The following GYG2 variants were observed in gnomAD, a reference collection of about 807,000 sequenced individuals.
GYG2 encodes glycogenin 2, also known as glycogenin-2.
Under a neutral mutation model 29.4 loss-of-function variants are expected in GYG2, and 29 were observed. That is an observed-to-expected ratio of 0.99 (90% CI 0.74 to 1.35). The LOEUF is 1.35. Ranked by LOEUF, GYG2 falls within the 40% of genes most tolerant of loss-of-function variation. The probability of loss-of-function intolerance (pLI) is 0.00; values close to 1 mark genes in which losing one functional copy is unlikely to be tolerated. For synonymous variants in GYG2, 167 were observed against 172.3 expected (o/e 0.97, Z 0.24); for missense variants, 370 against 385.7 (o/e 0.96, Z 0.34).
intron 2 of GYG2, among the ~76,000 whole-genome samples, chrX:2,839,680 C>G (rs2087452482): frequency 9.1e-6 from 1 of 110,457 alleles, no homozygotes; most frequent in Non-Finnish European, 1.9e-5. Flanking sequence ...ATGAAATGTC[C>G]CAGGATTAGA....
chrX:2,879,876 CAG>C (rs1370282045), intron 10 of GYG2, among the ~76,000 whole-genome samples: 1 of 109,758 alleles, frequency 9.1e-6, no homozygotes, highest in Non-Finnish European at 1.9e-5. Context: ...TGATAGATGA[CAG>C]ATGATTTATT....
intron 2 of GYG2, among the ~76,000 whole-genome samples, chrX:2,842,064 G>T (rs1340426973): frequency 8.9e-6 from 1 of 112,267 alleles, no homozygotes. Context: ...TCCTTATGTT[G>T]TCTCTACCGC....
intron 5 of GYG2, 99 bp downstream of exon 5, chrX:2,855,254 G>A (rs1003860434): frequency 5.5e-6 from 4 of 727,161 alleles, no homozygotes; most frequent in East Asian, 3.2e-5. Flanking sequence ...GTCACACCTC[G>A]CTCAGCGACA....
chrX:2,878,306 T>C (rs745389292), intron 10 of GYG2: 2 of 344,316 alleles, frequency 5.8e-6, no homozygotes, highest in Non-Finnish European at 7.5e-6. Context: ...TTATTATTAT[T>C]TAGGGACAGG....
At chrX:2,863,544 A>G (rs1234062127) in intron 8 of GYG2, among the ~76,000 whole-genome samples, 1 of 112,068 alleles carries the variant, frequency 8.9e-6, no homozygotes, top group African/African-American at 3.2e-5. Flanking sequence ...TAAACAAGTG[A>G]CCTTTAGATT....
At chrX:2,870,527 G>C (rs927137672) in intron 8 of GYG2, among the ~76,000 whole-genome samples, 3 of 111,499 alleles carry the variant, frequency 2.7e-5, no homozygotes, top group African/African-American at 9.8e-5. Context: ...TAGAACCGTT[G>C]ACTGTGTCCC....
At chrX:2,868,478 G>T (rs924821734) in intron 8 of GYG2, among the ~76,000 whole-genome samples, 4 of 103,142 alleles carry the variant, frequency 3.9e-5, no homozygotes, top group Non-Finnish European at 7.9e-5. Flanking sequence ...AAAAAAAAAA[G>T]GTATTTTGGA....
At chrX:2,840,596 A>T (rs1332364054) in intron 2 of GYG2, among the ~76,000 whole-genome samples, 1 of 111,991 alleles carries the variant, frequency 8.9e-6, no homozygotes, top group African/African-American at 3.2e-5. Flanking sequence ...TATAATCTAT[A>T]GACTGTAGGT....
intron 3 of GYG2, chrX:2,852,663 T>A (rs1284282948): frequency 8.9e-6 from 1 of 112,174 alleles, no homozygotes; most frequent in Non-Finnish European, 1.9e-5. Flanking sequence ...TTTCTCTGCC[T>A]CTGCAGCTTA....
chrX:2,873,220 G>C (rs750134995), intron 8 of GYG2, among the ~76,000 whole-genome samples: 6 of 112,003 alleles, frequency 5.4e-5, no homozygotes, highest in African/African-American at 1.9e-4. Context: ...CTGTTATCAT[G>C]GTTGTCTGAT....
At chrX:2,866,428 G>A (rs902276966) in intron 8 of GYG2, among the ~76,000 whole-genome samples, 1 of 111,790 alleles carries the variant, frequency 8.9e-6, no homozygotes, top group Non-Finnish European at 1.9e-5. Context: ...CTGGGAGGTC[G>A]AGGCTGCGGT....
At chrX:2,837,669 A>G (rs1185628514) in intron 2 of GYG2, among the ~76,000 whole-genome samples, 1 of 111,435 alleles carries the variant, frequency 9.0e-6, no homozygotes, top group African/African-American at 3.3e-5. Context: ...GATTTCAATA[A>G]TCTATACATT....
At chrX:2,849,623 C>T (rs1326981885) in intron 3 of GYG2, among the ~76,000 whole-genome samples, 3 of 112,110 alleles carry the variant, frequency 2.7e-5, no homozygotes, top group Admixed American at 1.9e-4. Flanking sequence ...CTGTATCAAT[C>T]TGGTTGTGAC....
chrX:2,846,053 A>AT (rs2087722062), intron 3 of GYG2, among the ~76,000 whole-genome samples: 8 of 29,969 alleles, frequency 2.7e-4, no homozygotes, highest in African/African-American at 9.0e-4. Flanking sequence ...ATATATATAT[A>AT]TATTTTTTTT....
At chrX:2,836,090 G>A (rs889947205) in intron 2 of GYG2, among the ~76,000 whole-genome samples, 10 of 111,294 alleles carry the variant, frequency 9.0e-5, no homozygotes, top group African/African-American at 3.3e-4. Flanking sequence ...ATCATAGGAT[G>A]TGCTTGAAGA....
At position 2,842,935 on chromosome X, in the gene GYG2, T is replaced by A. The variant is rs5982883; in HGVS notation, c.8-278T>A. The A allele has an allele frequency of 2.1e-5, 7 of 338,170 alleles. No homozygotes were observed. In the East Asian group the frequency reaches 3.9e-4, roughly 19 times the overall value. 27.9% of individuals were successfully genotyped at this position (338,170 alleles called of 1,213,427 possible). A position where few individuals can be genotyped will look rare whatever the true frequency, so the allele number is the denominator to read the frequency against. On this transcript the variant is annotated intron_variant, in intron 2 of 10. Coordinates refer to ENST00000398806, the MANE Select transcript of GYG2 (RefSeq NM_001079855.2). ...GCTCAAGTATCCTCCCACCTCAGCC[T>A]CTCCGAGTAGCTGTAACTGCAGGCC...
chrX:2,880,963 G>T, intron 10 of GYG2, 89 bp from the exon 11 acceptor site: 1 of 806,377 alleles, frequency 1.2e-6, no homozygotes. Context: ...GCATCTTTCT[G>T]CGGGACCCTA....
chrX:2,847,533 C>CAAAAAAAAA (rs34368863), intron 3 of GYG2, among the ~76,000 whole-genome samples: 4 of 56,254 alleles, frequency 7.1e-5, no homozygotes, highest in Admixed American at 2.6e-4. Context: ...ACTAAAAGTA[C>CAAAAAAAAA]AAAAAAAAAA....
chrX:2,855,676 CGAG>C (rs1167349398), intron 5 of GYG2, among the ~76,000 whole-genome samples: 3 of 111,821 alleles, frequency 2.7e-5, no homozygotes, highest in African/African-American at 9.7e-5. Context: ...TTGCTTGAGG[CGAG>C]GAGTTCAAGA....
Sources: gnomAD v4.1 joint callset for allele counts (sites outside exome capture counted in the v4.1 genomes callset) on GRCh38, gnomAD v4.1.1 for gene constraint, MANE v1.5 for transcripts, NCBI Gene and HGNC (gene_info 2026-07-23, HGNC 2026-07-21) for gene names.